The following CERS6 variants were observed in gnomAD, a reference collection of about 807,000 sequenced individuals.
The protein encoded by CERS6 is ceramide synthase 6.
Under a neutral mutation model 56.8 loss-of-function variants are expected in CERS6, and 26 were observed. That is an observed-to-expected ratio of 0.46 (90% CI 0.34 to 0.63). CERS6 has a LOEUF of 0.63. CERS6 is among the 30% of genes least tolerant of loss of function. The pLI is 0.01. For missense variants in CERS6, 415 were observed against 467.5 expected, an observed-to-expected ratio of 0.89 and a Z score of 1.04; for synonymous variants, 164 against 173.3, an observed-to-expected ratio of 0.95 and a Z score of 0.42.
chr2:168,466,630 C>T (rs1378298761), intron 1 of CERS6, among the ~76,000 whole-genome samples: 2 of 152,080 alleles, frequency 1.3e-5, no homozygotes, highest in Admixed American at 1.3e-4. Flanking sequence ...TACTGTTTTC[C>T]GTAATTCATC....
intron 9 of CERS6, among the ~76,000 whole-genome samples, chr2:168,766,720 A>C (rs557920946): frequency 6.6e-6 from 1 of 152,230 alleles, no homozygotes; most frequent in Admixed American, 6.5e-5. Context: ...GGGGGAGAGG[A>C]TCAACACATT....
chr2:168,587,501 G>A (rs941390958), intron 3 of CERS6, among the ~76,000 whole-genome samples: 4 of 152,202 alleles, frequency 2.6e-5, no homozygotes, highest in African/African-American at 9.6e-5. Flanking sequence ...AAGGGCCTTT[G>A]TGTAATGAAG....
chr2:168,515,451 A>G (rs1316673962), intron 1 of CERS6, among the ~76,000 whole-genome samples: 1 of 152,136 alleles, frequency 6.6e-6, no homozygotes, highest in Admixed American at 6.6e-5. Context: ...GTCCTGGCCC[A>G]GAATCTTTGA....
chr2:168,500,044 AATCTGGGGGATCACAAGTGATACCCCC>A (rs1246040926), intron 1 of CERS6, among the ~76,000 whole-genome samples: 1 of 152,122 alleles, frequency 6.6e-6, no homozygotes, highest in Non-Finnish European at 1.5e-5. Flanking sequence ...TTATAAACAT[AATCTGGGGGATCACAAGTGATACCCCC>A]AAGAGTATGT....
At chr2:168,677,233 T>C (rs553911208) in intron 4 of CERS6, among the ~76,000 whole-genome samples, 1 of 152,042 alleles carries the variant, frequency 6.6e-6, no homozygotes, top group East Asian at 1.9e-4. Flanking sequence ...TATGTTCTCA[T>C]TGTTCAACTC....
At chr2:168,565,300 C>A (rs1695864732) in intron 3 of CERS6, among the ~76,000 whole-genome samples, 1 of 152,172 alleles carries the variant, frequency 6.6e-6, no homozygotes, top group African/African-American at 2.4e-5. Context: ...TTTCAAAATA[C>A]ACGTGCCCGA....
chr2:168,465,361 G>A (rs115132076), intron 1 of CERS6, among the ~76,000 whole-genome samples: 3,209 of 152,196 alleles, frequency 0.021, 102 homozygotes, highest in African/African-American at 0.074. Flanking sequence ...CTCACATCAC[G>A]GAAGGGGCGA....
intron 4 of CERS6, among the ~76,000 whole-genome samples, chr2:168,685,592 G>A (rs1686327636): frequency 6.6e-6 from 1 of 152,104 alleles, no homozygotes; most frequent in Non-Finnish European, 1.5e-5. Flanking sequence ...GGATGAAAGA[G>A]CAGATTTACT....
chr2:168,469,913 G>A (rs975808860), intron 1 of CERS6, among the ~76,000 whole-genome samples: 2 of 152,130 alleles, frequency 1.3e-5, no homozygotes, highest in Admixed American at 1.3e-4. Flanking sequence ...CTAAAGAGAT[G>A]AATGAAGTGA....
intron 4 of CERS6, among the ~76,000 whole-genome samples, chr2:168,645,430 T>G (rs1300010090): frequency 6.6e-6 from 1 of 151,670 alleles, no homozygotes; most frequent in Non-Finnish European, 1.5e-5. Flanking sequence ...ATGAATATAG[T>G]TTTTTGAGTT....
intron 8 of CERS6, among the ~76,000 whole-genome samples, chr2:168,753,456 G>A (rs1290428748): frequency 6.6e-6 from 1 of 152,140 alleles, no homozygotes; most frequent in Non-Finnish European, 1.5e-5. Flanking sequence ...ATCTAAATCT[G>A]CATTCACTTT....
At position 168,456,931 on chromosome 2, in the gene CERS6, G is replaced by C. The variant is rs1185784041; in HGVS notation, c.170+313G>C. Reference sequence around the variant, plus strand: ...GGCGAACAAAGGTGAGCGGTGGTCGGGCTCAGGACCCGCCGCATTCCGCGG... The same window carrying C: ...GGCGAACAAAGGTGAGCGGTGGTCGCGCTCAGGACCCGCCGCATTCCGCGG... On this transcript the variant is annotated intron_variant, in intron 1 of 9. Coordinates refer to ENST00000305747, the MANE Select transcript of CERS6 (RefSeq NM_203463.3). This position sits in a 1 kb window ranked among gnomAD's most constrained non-coding sequence, Gnocchi z 4.1. Among the ~76,000 whole-genome samples, 1 of 152,122 alleles carries C rather than the reference G, an allele frequency of 6.6e-6. No individual in the cohort carries two copies. Among genetic ancestry groups the C allele is most frequent in the Non-Finnish European group, 1.5e-5 (1 of 68,004 alleles).
In CERS6 at chr2:168,504,774, A is replaced by G. The variant is rs565301971; in HGVS notation, c.171-42822A>G. ...GCTGCAGGGGCTAGTGCAAGGGACT[A>G]TGAATCCCTTGGAGAGGAAATCATT... is the stretch of plus-strand genomic sequence containing the variant. On this transcript the variant is annotated intron_variant, in intron 1 of 9. Coordinates refer to ENST00000305747, the MANE Select transcript of CERS6 (RefSeq NM_203463.3). Among the ~76,000 whole-genome samples the G allele has an allele frequency of 1.2e-4, 18 of 152,260 alleles. 1 individual carries two copies. The highest frequency in any genetic ancestry group is 4.3e-4 in the African/African-American group (18 of 41,560).
intron 3 of CERS6, among the ~76,000 whole-genome samples, chr2:168,617,652 G>A (rs1684350129): frequency 6.6e-6 from 1 of 152,032 alleles, no homozygotes; most frequent in East Asian, 1.9e-4. Flanking sequence ...TAAATTCCTG[G>A]AAAGATACAA....
At chr2:168,533,588 A>C (rs866671927) in intron 1 of CERS6, among the ~76,000 whole-genome samples, 1 of 152,048 alleles carries the variant, frequency 6.6e-6, no homozygotes, top group Non-Finnish European at 1.5e-5. Flanking sequence ...ATCTGCTGTT[A>C]GTGTGGTGAG....
intron 9 of CERS6, among the ~76,000 whole-genome samples, chr2:168,768,010 T>TA (rs757493399): frequency 1.3e-5 from 2 of 152,212 alleles, no homozygotes; most frequent in Non-Finnish European, 2.9e-5. Context: ...AATTTAGACT[T>TA]ACAGAATAGG....
intron 5 of CERS6, among the ~76,000 whole-genome samples, chr2:168,691,715 A>C (rs141722389): frequency 8.9e-4 from 135 of 152,284 alleles, no homozygotes; most frequent in Middle Eastern, 3.4e-3. Context: ...TGATATAAGC[A>C]TGTGTTGTTG....
chr2:168,561,331 C>T lies in CERS6; in HGVS notation c.407+9C>T. 1 of 1,613,912 alleles carries T rather than the reference C, an allele frequency of 6.2e-7. No individual in the cohort carries two copies. The highest frequency in any genetic ancestry group is 8.5e-7 in the Non-Finnish European group (1 of 1,179,906). ...AGGTTCTGTGAGAGCATGTAAGTTG[C>T]TGTTTTTCTTTTTGAAAGAAAAGAC... On this transcript the variant is annotated intron_variant, in intron 3 of 9. Coordinates refer to ENST00000305747, the MANE Select transcript of CERS6 (RefSeq NM_203463.3).
chr2:168,564,764 G>A (rs1695854693), intron 3 of CERS6, among the ~76,000 whole-genome samples: 1 of 152,138 alleles, frequency 6.6e-6, no homozygotes, highest in African/African-American at 2.4e-5. Flanking sequence ...TATTGGGGCT[G>A]GAGTGAGCAC....
Sources: allele counts gnomAD v4.1 joint callset (sites outside exome capture counted in the v4.1 genomes callset), GRCh38; gene constraint gnomAD v4.1.1; non-coding constraint Gnocchi (gnomAD v3.1); transcripts MANE v1.5; gene names NCBI Gene and HGNC (gene_info 2026-07-23, HGNC 2026-07-21).